The following RASAL2 variants were observed in gnomAD, a reference collection of about 807,000 sequenced individuals.
RASAL2 encodes the protein ras GTPase-activating protein nGAP.
Under a neutral mutation model 128.9 loss-of-function variants are expected in RASAL2, and 58 were observed. That is an observed-to-expected ratio of 0.45 (90% confidence interval 0.36 to 0.56). The LOEUF is 0.56. Among genes scored for constraint, RASAL2 ranks in the 20% least tolerant of loss-of-function variants. RASAL2 has a pLI of 0.00. For synonymous variants in RASAL2, 561 were observed against 580.8 expected (o/e 0.97, Z 0.49); for missense variants, 1,360 against 1,601.6 (o/e 0.85, Z 2.57).
At chr1:178,155,027 T>C (rs1372991130) in intron 1 of RASAL2, among the ~76,000 whole-genome samples, 1 of 152,158 alleles carries the variant, frequency 6.6e-6, no homozygotes, top group African/African-American at 2.4e-5. Flanking sequence ...TTCTCCATGT[T>C]GGTCAGGCTG....
At chr1:178,206,031 T>C (rs1484132161) in intron 1 of RASAL2, among the ~76,000 whole-genome samples, 2 of 152,196 alleles carry the variant, frequency 1.3e-5, no homozygotes, top group African/African-American at 2.4e-5. Flanking sequence ...ACACTCTGAC[T>C]GTTCTTCAGC....
chr1:178,438,998 G>T (rs1256170101), intron 5 of RASAL2, among the ~76,000 whole-genome samples: 1 of 147,596 alleles, frequency 6.8e-6, no homozygotes, highest in Non-Finnish European at 1.5e-5. Flanking sequence ...CATATAAGAG[G>T]ATAAAGCTAT....
chr1:178,426,094 A>C (rs528737605), intron 5 of RASAL2, among the ~76,000 whole-genome samples: 1 of 152,272 alleles, frequency 6.6e-6, no homozygotes, highest in East Asian at 1.9e-4. Context: ...AGCTACATTT[A>C]TATCTGTAGG....
At chr1:178,097,481 G>C (rs1658734873) in intron 1 of RASAL2, among the ~76,000 whole-genome samples, 1 of 152,156 alleles carries the variant, frequency 6.6e-6, no homozygotes, top group African/African-American at 2.4e-5. Context: ...AGTGAACTGA[G>C]TTTTCAAAGA....
At chr1:178,239,968 T>C (rs982830374) in intron 1 of RASAL2, among the ~76,000 whole-genome samples, 6 of 152,086 alleles carry the variant, frequency 3.9e-5, no homozygotes, top group African/African-American at 1.4e-4. Flanking sequence ...TTTATAAATT[T>C]TTTAACATTG....
intron 1 of RASAL2, among the ~76,000 whole-genome samples, chr1:178,141,193 CTTTTTT>C (rs71297900): frequency 8.2e-4 from 61 of 73,946 alleles, no homozygotes; most frequent in African/African-American, 1.9e-3. Flanking sequence ...CTTTTCTTTT[CTTTTTT>C]TTTTTTTTTT....
intron 3 of RASAL2, among the ~76,000 whole-genome samples, chr1:178,326,916 A>T (rs146097876): frequency 2.6e-5 from 4 of 152,184 alleles, no homozygotes; most frequent in African/African-American, 9.6e-5. Context: ...CCGACTTTTT[A>T]TCACGTTTTA....
intron 3 of RASAL2, among the ~76,000 whole-genome samples, chr1:178,388,384 G>A (rs1401578542): frequency 6.6e-6 from 1 of 152,184 alleles, no homozygotes; most frequent in East Asian, 1.9e-4. Flanking sequence ...ATTTTTCAGC[G>A]ATGTGCATTA....
intron 4 of RASAL2, among the ~76,000 whole-genome samples, chr1:178,414,917 G>C (rs1674656127): frequency 6.6e-6 from 1 of 151,986 alleles, no homozygotes; most frequent in African/African-American, 2.4e-5. Context: ...AGAACCTGTT[G>C]TGATGACCCC....
intron 1 of RASAL2, among the ~76,000 whole-genome samples, chr1:178,264,042 G>A (rs746667260): frequency 6.6e-6 from 1 of 152,158 alleles, no homozygotes; most frequent in Non-Finnish European, 1.5e-5. Context: ...AGAGAGTTAT[G>A]CAGAAGTCTA....
At chr1:178,281,110 C>G (rs1666759321) in intron 1 of RASAL2, among the ~76,000 whole-genome samples, 2 of 151,936 alleles carry the variant, frequency 1.3e-5, no homozygotes, top group East Asian at 1.9e-4. Flanking sequence ...CAGAAACTAT[C>G]ACTTTTTTTC....
intron 5 of RASAL2, among the ~76,000 whole-genome samples, chr1:178,430,411 T>G (rs1675808835): frequency 6.6e-6 from 1 of 152,122 alleles, no homozygotes; most frequent in African/African-American, 2.4e-5. Flanking sequence ...ATGCTTTATC[T>G]TAATAGAAAA....
intron 1 of RASAL2, among the ~76,000 whole-genome samples, chr1:178,113,624 C>A (rs1221572319): frequency 1.3e-5 from 2 of 151,504 alleles, no homozygotes; most frequent in Non-Finnish European, 2.9e-5. Flanking sequence ...CTCAAGCAAT[C>A]CCCCAACCTT....
chr1:178,445,374 C>T (rs1676928935), intron 8 of RASAL2, 144 bp from the exon 9 acceptor site: 4 of 940,420 alleles, frequency 4.3e-6, no homozygotes, highest in Non-Finnish European at 6.2e-6. Context: ...ACATTTTATC[C>T]TGATTGCTTT....
At chr1:178,238,358 A>G (rs1430924508) in intron 1 of RASAL2, among the ~76,000 whole-genome samples, 1 of 152,126 alleles carries the variant, frequency 6.6e-6, no homozygotes, top group Non-Finnish European at 1.5e-5. Flanking sequence ...GCTATTATTA[A>G]TTATGCTACT....
chr1:178,332,808 G>T (rs1360295868), intron 3 of RASAL2, among the ~76,000 whole-genome samples: 1 of 151,292 alleles, frequency 6.6e-6, no homozygotes, highest in Non-Finnish European at 1.5e-5. Context: ...TAGAGACGGG[G>T]TTTCACCGTG....
At chr1:178,181,558 C>T (rs553586793) in intron 1 of RASAL2, among the ~76,000 whole-genome samples, 4 of 152,080 alleles carry the variant, frequency 2.6e-5, no homozygotes, top group South Asian at 2.1e-4. Flanking sequence ...GGGGTTTCAC[C>T]GTCGTTGATT....
chr1:178,276,870 C>T (rs995155785), intron 1 of RASAL2, among the ~76,000 whole-genome samples: 5 of 151,770 alleles, frequency 3.3e-5, no homozygotes, highest in African/African-American at 9.7e-5. Context: ...GCTTGTTGGC[C>T]GGGCACAGTG....
chr1:178,101,254 T>C (rs903612588), intron 1 of RASAL2, among the ~76,000 whole-genome samples: 4 of 152,210 alleles, frequency 2.6e-5, no homozygotes, highest in African/African-American at 9.6e-5. Context: ...TGCTAGACTA[T>C]GATACAGAAG....
Sources: allele counts gnomAD v4.1 joint callset (sites outside exome capture counted in the v4.1 genomes callset), GRCh38; gene constraint gnomAD v4.1.1; transcripts MANE v1.5; gene names NCBI Gene and HGNC (gene_info 2026-07-23, HGNC 2026-07-21).